FARP1: variants seen among roughly 807,000 people sequenced by gnomAD.
FARP1 encodes FERM, ARHGEF and pleckstrin domain-containing protein 1.
Under a neutral mutation model 128.8 loss-of-function variants are expected in FARP1, and 52 were observed. The ratio of observed to expected loss-of-function variants is 0.40; its 90% CI spans 0.32 to 0.51. FARP1 has a LOEUF of 0.51. FARP1 is among the 20% of genes least tolerant of loss of function. The pLI is 0.45. For synonymous variants in FARP1, 580 were observed against 551.8 expected (o/e 1.05, Z -0.72); for missense variants, 1,333 against 1,367.9 (o/e 0.97, Z 0.40).
intron 3 of FARP1, among the ~76,000 whole-genome samples, chr13:98,361,799 C>T (rs770020565): frequency 5.9e-5 from 9 of 152,146 alleles, no homozygotes; most frequent in Non-Finnish European, 7.4e-5. Context: ...CTGTCATTAG[C>T]CTGTCCCTAT....
chr13:98,312,135 C>CTTTTTTTT (rs60890411), intron 2 of FARP1, among the ~76,000 whole-genome samples: 13,411 of 85,870 alleles, frequency 0.16, 3,088 homozygotes, highest in East Asian at 0.31. Flanking sequence ...GTGGTAACTG[C>CTTTTTTTT]TTTTTTTTTT....
chr13:98,300,340 G>A (rs1033979151), intron 2 of FARP1, among the ~76,000 whole-genome samples: 1 of 152,142 alleles, frequency 6.6e-6, no homozygotes, highest in African/African-American at 2.4e-5. Context: ...TCGTTTGCAC[G>A]GACCCCGTGT....
intron 2 of FARP1, among the ~76,000 whole-genome samples, chr13:98,273,113 A>G (rs542105182): frequency 7.9e-5 from 12 of 152,204 alleles, no homozygotes; most frequent in Non-Finnish European, 1.8e-4. Flanking sequence ...ATACAAGGTT[A>G]GTATGCGTTG....
rs561822935 is a variant in FARP1, at chr13:98,288,868, A to G, written c.172-54894A>G. On this transcript the variant is annotated intron_variant, in intron 2 of 26. Coordinates refer to ENST00000319562, the MANE Select transcript of FARP1 (RefSeq NM_005766.4). ...GTTATCACTGCTTTTTTTCTATTAC[A>G]TAATTATTTATTTTTACCAAGCTCT... Among the ~76,000 whole-genome samples, 24 of 152,156 alleles carry G rather than the reference A, an allele frequency of 1.6e-4. No homozygotes were observed. The East Asian group carries it at 4.2e-3, about 27-fold the overall frequency.
Position 98,377,890 on chromosome 13 carries a change from A to G in FARP1, c.468A>G (p.Ala156=), listed in dbSNP as rs760239305. Residue 156 remains alanine, a synonymous_variant, in exon 6 of 27, where the codon GCA becomes GCG. Transcript: ENST00000319562. ...GGTTGACGTGTAATGACACCAGCGC[A>G]GCTCTCTTGATTTCACACATTGTGC... The part of the protein sequence containing the change: ...QGRLTCNDTS[A]ALLISHIVQS... 6.2e-7 allele frequency: 1 copy of G among 1,613,672 alleles called. No homozygotes were observed. Among genetic ancestry groups the G allele is most frequent in the South Asian group, 1.1e-5 (1 of 91,066 alleles).
chr13:98,249,351 T>C (rs778245977), intron 2 of FARP1, among the ~76,000 whole-genome samples: 3 of 152,220 alleles, frequency 2.0e-5, no homozygotes, highest in Non-Finnish European at 4.4e-5. Flanking sequence ...TGAACTTTTT[T>C]GGGAACATAA....
chr13:98,337,802 C>T (rs1412874727), intron 2 of FARP1, among the ~76,000 whole-genome samples: 2 of 152,000 alleles, frequency 1.3e-5, no homozygotes, highest in Non-Finnish European at 2.9e-5. Context: ...CAAAGCCTGC[C>T]CCAAATGCAT....
At chr13:98,160,361 A>T (rs1206822368) in intron 1 of FARP1, among the ~76,000 whole-genome samples, 1 of 152,132 alleles carries the variant, frequency 6.6e-6, no homozygotes, top group Non-Finnish European at 1.5e-5. Context: ...TTGCATTGCT[A>T]CTGGATGACT....
At chr13:98,188,349 C>T (rs766124583) in intron 1 of FARP1, among the ~76,000 whole-genome samples, 12 of 151,962 alleles carry the variant, frequency 7.9e-5, no homozygotes, top group Admixed American at 1.3e-4. Flanking sequence ...GTCAGGAGTT[C>T]GAGACCAGCC....
intron 26 of FARP1, 139 bp downstream of exon 26, chr13:98,446,956 C>A: frequency 2.3e-6 from 2 of 851,158 alleles, no homozygotes; most frequent in Non-Finnish European, 3.7e-6. Context: ...GGTCCCACTG[C>A]CCGACACCAG....
rs9300466 is a variant in FARP1 at position 98,213,265 on chromosome 13, C to T, written c.23C>T (p.Pro8Leu). 3,694 of 1,613,500 alleles carry T rather than the reference C, an allele frequency of 2.3e-3. 69 individuals carry two copies. The African/African-American group carries it at 0.041, about 18-fold the overall frequency. Residue 8 changes from proline (P) to leucine (L), a missense_variant, in exon 2 of 27, where the codon CCG becomes CTG. Transcript: ENST00000319562. Reference sequence around the variant, plus strand: ...ATCATGGGAGAAATAGAGCAGAGGCCGACCCCAGGATCACGACTGGGGGCC... The same window carrying T: ...ATCATGGGAGAAATAGAGCAGAGGCTGACCCCAGGATCACGACTGGGGGCC... Reference protein sequence around the residue: MGEIEQRPTPGSRLGAPE... With the variant: MGEIEQRLTPGSRLGAPE...
At chr13:98,155,942 G>A (rs948454840) in intron 1 of FARP1, among the ~76,000 whole-genome samples, 2 of 152,196 alleles carry the variant, frequency 1.3e-5, no homozygotes, top group African/African-American at 4.8e-5. Context: ...CAGGAGGCAA[G>A]AATCATTGAG....
Position 98,384,715 on chromosome 13 carries a change from T to C in FARP1, c.497-15T>C. The C allele has an allele frequency of 5.2e-6, 8 of 1,546,388 alleles. No individual in the cohort carries two copies. The highest frequency in any genetic ancestry group is 2.7e-6 in the Non-Finnish European group (3 of 1,118,544). On this transcript the variant is annotated splice_polypyrimidine_tract_variant and intron_variant, in intron 6 of 26. Coordinates refer to ENST00000319562, the MANE Select transcript of FARP1 (RefSeq NM_005766.4). Reference sequence around the variant, plus strand: ...CATTCCTACGTGACCTGTTTTTCTTTCTGTTTCTTTTTAGCTGAGATTGGG... The same window carrying C: ...CATTCCTACGTGACCTGTTTTTCTTCCTGTTTCTTTTTAGCTGAGATTGGG...
intron 19 of FARP1, among the ~76,000 whole-genome samples, chr13:98,438,542 T>C (rs942923359): frequency 1.3e-5 from 2 of 152,032 alleles, no homozygotes; most frequent in African/African-American, 4.8e-5. Flanking sequence ...AGACAGATGA[T>C]CCCTAGAGAG....
chr13:98,348,406 A>G (rs1040927862), intron 3 of FARP1, among the ~76,000 whole-genome samples: 1 of 152,270 alleles, frequency 6.6e-6, no homozygotes, highest in Non-Finnish European at 1.5e-5. Flanking sequence ...TGGTACATAG[A>G]GTCTGAAGGC....
intron 16 of FARP1, among the ~76,000 whole-genome samples, chr13:98,413,592 C>G (rs1309291446): frequency 6.6e-6 from 1 of 152,206 alleles, no homozygotes; most frequent in Non-Finnish European, 1.5e-5. Context: ...CCCAGAAGTT[C>G]AGGGCTGCAG....
At chr13:98,240,004 C>G (rs1162335241) in intron 2 of FARP1, among the ~76,000 whole-genome samples, 9 of 152,130 alleles carry the variant, frequency 5.9e-5, no homozygotes, top group Non-Finnish European at 8.8e-5. Flanking sequence ...CAGGTGATAT[C>G]CGTGGTGATC....
At chr13:98,148,207 C>T (rs559927484) in intron 1 of FARP1, among the ~76,000 whole-genome samples, 32 of 152,218 alleles carry the variant, frequency 2.1e-4, no homozygotes, top group Middle Eastern at 3.4e-3. Flanking sequence ...GGAGAAACCC[C>T]GTCTCTACTA....
At chr13:98,146,797 C>G (rs927283362) in intron 1 of FARP1, among the ~76,000 whole-genome samples, 2 of 152,154 alleles carry the variant, frequency 1.3e-5, no homozygotes, top group Non-Finnish European at 2.9e-5. Flanking sequence ...CAGTCTCTCT[C>G]CTGTTGTTTG....
Sources: allele counts gnomAD v4.1 joint callset (sites outside exome capture counted in the v4.1 genomes callset), GRCh38; gene constraint gnomAD v4.1.1; transcripts MANE v1.5; gene names NCBI Gene and HGNC (gene_info 2026-07-23, HGNC 2026-07-21).